Variants in SOX1 observed in about 807,000 individuals in gnomAD.
SOX1 encodes the protein SRY-box transcription factor 1, also known as transcription factor SOX-1.
Under a neutral mutation model 0.9 loss-of-function variants are expected in SOX1, and 1 was observed. The ratio of observed to expected loss-of-function variants is 1.07; its 90% CI spans 0.38 to 5.06. The LOEUF (loss-of-function observed/expected upper bound fraction) is 5.06, where lower values mean the gene tolerates loss of function less well. SOX1 is among the 30% of genes most tolerant of loss of function. SOX1 has a pLI of 0.16. For synonymous variants in SOX1, 397 were observed against 265.5 expected, an observed-to-expected ratio of 1.50 and a Z score of -4.81; for missense variants, 564 against 534.4, an observed-to-expected ratio of 1.06 and a Z score of -0.55.
In SOX1 at chr13:112,071,196, T is replaced by A. The variant is rs536006300; in HGVS notation, c.*2362T>A. 6.6e-6 allele frequency among the ~76,000 whole-genome samples: 1 copy of A among 152,354 alleles called. No individual in the cohort carries two copies. The highest frequency in any genetic ancestry group is 2.4e-5 in the African/African-American group (1 of 41,584). ...CTGTGTGTACCCTGGAGTTTCTGTG[T>A]CCAATTGTTGGCATCTAGGTCTTGG... On this transcript the variant is annotated 3_prime_UTR_variant, in exon 1 of 1. Transcript: ENST00000330949.
Position 112,067,735 on chromosome 13 carries a change from C to G in SOX1, c.77C>G (p.Ala26Gly). The G allele has an allele frequency of 8.1e-7, 1 of 1,232,868 alleles. No homozygotes were observed. Among genetic ancestry groups the G allele is most frequent in the East Asian group, 3.4e-5 (1 of 29,546 alleles). The allele number at this position is 1,232,868 out of a possible 1,614,324, so 76.4% of individuals were successfully genotyped here. ...GCCCCCACGAACCTCTCGGGCCCCG[C>G]CGGGGCGGGCGGCGGCGGGGGCGGA... ...AQAPTNLSGPAGAGGGGGGGG... is the reference protein window; with the variant it reads ...AQAPTNLSGPGGAGGGGGGGG... The change falls in exon 1 of 1, where the codon GCC (alanine) becomes GGC (glycine). Residue 26 changes from alanine to glycine, a missense_variant. Physicochemically the swap from Ala to Gly is moderately conservative, Grantham distance 60. Coordinates refer to ENST00000330949, the MANE Select transcript of SOX1 (RefSeq NM_005986.3). The surrounding 1 kb of genome is among the most constrained non-coding windows in gnomAD (Gnocchi z 5.1).
chr13:112,068,341 C>G lies in SOX1; in HGVS notation c.683C>G (p.Pro228Arg). Residue 228 changes from proline (P) to arginine (R), a missense_variant, in exon 1 of 1, where the codon CCC becomes CGC. By Grantham distance (103) the Pro-to-Arg change is moderately radical (BLOSUM62 -2). Transcript: ENST00000330949. The surrounding 1 kb of genome is among the most constrained non-coding windows in gnomAD (Gnocchi z 6.9). ...GAGGAHPHAH[P>R]AHPHPHHPHA... The stretch of plus-strand genomic sequence containing the variant: ...GGCGGCGCGCACCCGCACGCGCACC[C>G]CGCGCACCCGCACCCGCACCACCCG... 8.2e-7 allele frequency: 1 copy of G among 1,217,178 alleles called. No individual in the cohort carries two copies. Among genetic ancestry groups the G allele is most frequent in the Non-Finnish European group, 1.0e-6 (1 of 959,070 alleles). The allele number at this position is 1,217,178 out of a possible 1,614,324, so 75.4% of individuals were successfully genotyped here. A position where few individuals can be genotyped will look rare whatever the true frequency, so the allele number is the denominator to read the frequency against.
rs1277226160 is a variant in SOX1 at position 112,071,132 on chromosome 13, TTGAC to T, written c.*2303_*2306del. ...CTTAAAGGACTCTCTCTGAGGTTCT[TTGAC>T]TGACGTCCACTCTCAGTCTGGCCCC... On this transcript the variant is annotated 3_prime_UTR_variant, in exon 1 of 1. Coordinates refer to ENST00000330949, the MANE Select transcript of SOX1 (RefSeq NM_005986.3). Among the ~76,000 whole-genome samples the T allele has an allele frequency of 7.9e-5, 12 of 152,360 alleles. No individual in the cohort carries two copies. Among genetic ancestry groups the T allele is most frequent in the South Asian group, 6.2e-4 (3 of 4,830 alleles).
In SOX1 at chr13:112,069,000, C is replaced by A; in HGVS notation, c.*166C>A. On this transcript the variant is annotated 3_prime_UTR_variant, in exon 1 of 1. Transcript: ENST00000330949. The surrounding 1 kb of genome is among the most constrained non-coding windows in gnomAD (Gnocchi z 6.9). ...CGCCGGGTGACGCGTGTCCCCCACT[C>A]ACCTTCCCCGGAGACCCTGGCGACC... 2.2e-6 allele frequency: 1 copy of A among 457,654 alleles called. No homozygotes were observed. Among genetic ancestry groups the A allele is most frequent in the Non-Finnish European group, 3.4e-6 (1 of 294,050 alleles). 28.3% of individuals were successfully genotyped at this position (457,654 alleles called of 1,614,324 possible).
Position 112,068,798 on chromosome 13 carries a change from GGGCGTGAAC to G in SOX1, c.1144_1152del (p.Val382_Gly384del). ...CGCAGCACTACCAGGGCGCGGGCGC[GGGCGTGAAC>G]GGCACGGTGCCCCTGACGCACATCT... On this transcript the variant is annotated inframe_deletion, in exon 1 of 1. Coordinates refer to ENST00000330949, the MANE Select transcript of SOX1 (RefSeq NM_005986.3). This position sits in a 1 kb window ranked among gnomAD's most constrained non-coding sequence, Gnocchi z 6.9. 8 of 1,200,882 alleles carry G rather than the reference GGGCGTGAAC, an allele frequency of 6.7e-6. No homozygotes were observed. The highest frequency in any genetic ancestry group is 7.2e-6 in the Non-Finnish European group (7 of 971,142). The allele number at this position is 1,200,882 out of a possible 1,614,324, so 74.4% of individuals were successfully genotyped here. A position where few individuals can be genotyped will look rare whatever the true frequency, so the allele number is the denominator to read the frequency against.
chr13:112,067,838 G>C lies in SOX1; in HGVS notation c.180G>C (p.Val60=). The change falls in exon 1 of 1, where the codon GTG becomes GTC. Residue 60 remains valine (V), a synonymous_variant. Transcript: ENST00000330949. The surrounding 1 kb of genome is among the most constrained non-coding windows in gnomAD (Gnocchi z 5.1). The part of the protein sequence containing the change: ...RVKRPMNAFM[V]WSRGQRRKMA... Reference sequence around the variant, plus strand: ...AACGGCCCATGAACGCCTTCATGGTGTGGTCCCGCGGGCAGCGGCGCAAGA... The same window carrying C: ...AACGGCCCATGAACGCCTTCATGGTCTGGTCCCGCGGGCAGCGGCGCAAGA... 6.2e-7 allele frequency: 1 copy of C among 1,600,490 alleles called. No homozygotes were observed. Among genetic ancestry groups the C allele is most frequent in the Non-Finnish European group, 8.5e-7 (1 of 1,173,474 alleles).
rs1424331156 is a variant in SOX1, at chr13:112,069,468, T to C, written c.*634T>C. The C allele has an allele frequency of 3.0e-5, 5 of 167,172 alleles. No individual in the cohort carries two copies. In the East Asian group the frequency reaches 9.6e-4, roughly 32 times the overall value. The allele number at this position is 167,172 out of a possible 1,614,324, so 10.4% of individuals were successfully genotyped here. ...CCATTTTTTTTTTTGGGTTTTGTAT[T>C]ATTTCTTGTAAATGCATTGTGAAAA... On this transcript the variant is annotated 3_prime_UTR_variant, in exon 1 of 1. Coordinates refer to ENST00000330949, the MANE Select transcript of SOX1 (RefSeq NM_005986.3).
In SOX1 at chr13:112,070,529, G is replaced by C. The variant is rs1880861518; in HGVS notation, c.*1695G>C. ...ATTTAAAAATTAATCACAACGTTAA[G>C]ATGAAATTATATTTTTGGAAAAAAA... On this transcript the variant is annotated 3_prime_UTR_variant, in exon 1 of 1. Transcript: ENST00000330949. 6.0e-6 allele frequency: 1 copy of C among 166,318 alleles called. No individual in the cohort carries two copies. The highest frequency in any genetic ancestry group is 1.5e-5 in the Non-Finnish European group (1 of 68,024). The allele number at this position is 166,318 out of a possible 1,614,324, so 10.3% of individuals were successfully genotyped here. A position where few individuals can be genotyped will look rare whatever the true frequency, so the allele number is the denominator to read the frequency against.
Position 112,068,241 on chromosome 13 carries a change from T to G in SOX1, c.583T>G (p.Ser195Ala). The G allele has an allele frequency of 1.4e-6, 1 of 717,196 alleles. No homozygotes were observed. Among genetic ancestry groups the G allele is most frequent in the Non-Finnish European group, 1.7e-6 (1 of 583,202 alleles). 44.4% of individuals were successfully genotyped at this position (717,196 alleles called of 1,614,324 possible). ...NGWANGAYPGSVAAAAAAAAM... is the reference protein window; with the variant it reads ...NGWANGAYPGAVAAAAAAAAM... ...CTGGGCCAACGGCGCCTACCCCGGC[T>G]CGGTGGCGGCGGCGGCGGCGGCCGC... is the stretch of plus-strand genomic sequence containing the variant. Residue 195 changes from serine (S) to alanine (A), a missense_variant, in exon 1 of 1, where the codon TCG becomes GCG. Coordinates refer to ENST00000330949, the MANE Select transcript of SOX1 (RefSeq NM_005986.3). The surrounding 1 kb of genome is among the most constrained non-coding windows in gnomAD (Gnocchi z 6.9).
chr13:112,068,912 C>T lies in SOX1; in HGVS notation c.*78C>T. Reference sequence around the variant, plus strand: ...GCGCCCGGCTCCCGCCCCGCCCCGGCGCGGCGTGGCTTTTGTACAGACGTT... The same window carrying T: ...GCGCCCGGCTCCCGCCCCGCCCCGGTGCGGCGTGGCTTTTGTACAGACGTT... On this transcript the variant is annotated 3_prime_UTR_variant, in exon 1 of 1. Coordinates refer to ENST00000330949, the MANE Select transcript of SOX1 (RefSeq NM_005986.3). The surrounding 1 kb of genome is among the most constrained non-coding windows in gnomAD (Gnocchi z 6.9). The T allele has an allele frequency of 3.6e-6, 4 of 1,109,154 alleles. No individual in the cohort carries two copies. The highest frequency in any genetic ancestry group is 4.5e-6 in the Non-Finnish European group (4 of 884,108). The allele number at this position is 1,109,154 out of a possible 1,614,324, so 68.7% of individuals were successfully genotyped here.
Position 112,067,601 on chromosome 13 carries a change from G to T in SOX1, c.-58G>T. 3.3e-6 allele frequency: 3 copies of T among 903,366 alleles called. No homozygotes were observed. Among genetic ancestry groups the T allele is most frequent in the Non-Finnish European group, 2.8e-6 (2 of 716,440 alleles). 56.0% of individuals were successfully genotyped at this position (903,366 alleles called of 1,614,324 possible). A position where few individuals can be genotyped will look rare whatever the true frequency, so the allele number is the denominator to read the frequency against. ...TTCCTCTCCGTCTCCCTCCCACCCC[G>T]GCCGTCTATGCTCCAGGCCCTCTCC... On this transcript the variant is annotated 5_prime_UTR_variant, in exon 1 of 1. Coordinates refer to ENST00000330949, the MANE Select transcript of SOX1 (RefSeq NM_005986.3). The surrounding 1 kb of genome is among the most constrained non-coding windows in gnomAD (Gnocchi z 5.1).
chr13:112,068,345 G>T lies in SOX1; in HGVS notation c.687G>T (p.Ala229=). Residue 229 remains alanine (A), a synonymous_variant, in exon 1 of 1, where the codon GCG becomes GCT. Coordinates refer to ENST00000330949, the MANE Select transcript of SOX1 (RefSeq NM_005986.3). The surrounding 1 kb of genome is among the most constrained non-coding windows in gnomAD (Gnocchi z 6.9). ...GCGCGCACCCGCACGCGCACCCCGC[G>T]CACCCGCACCCGCACCACCCGCACG... is the stretch of plus-strand genomic sequence containing the variant. The part of the protein sequence containing the change: ...AGGAHPHAHP[A]HPHPHHPHAH... 1.6e-6 allele frequency: 2 copies of T among 1,219,334 alleles called. No homozygotes were observed. The highest frequency in any genetic ancestry group is 1.7e-5 in the South Asian group (1 of 60,378). The allele number at this position is 1,219,334 out of a possible 1,614,324, so 75.5% of individuals were successfully genotyped here.
In SOX1 at chr13:112,067,222, C is replaced by A. The variant is rs1489881000; in HGVS notation, c.-437C>A. Among the ~76,000 whole-genome samples, 1 of 152,148 alleles carries A rather than the reference C, an allele frequency of 6.6e-6. No individual in the cohort carries two copies. Among genetic ancestry groups the A allele is most frequent in the South Asian group, 2.1e-4 (1 of 4,828 alleles). On this transcript the variant is annotated 5_prime_UTR_variant, in exon 1 of 1. Coordinates refer to ENST00000330949, the MANE Select transcript of SOX1 (RefSeq NM_005986.3). The surrounding 1 kb of genome is among the most constrained non-coding windows in gnomAD (Gnocchi z 5.1). ...CTCCGAGTTGGAGGCCGCTGAGGAC[C>A]GAGCGCAGGAGGAAGGAGACAGCGC...
chr13:112,067,766 GGGCGGC>G lies in SOX1; in HGVS notation c.120_125del (p.Gly42_Gly43del), dbSNP rs750745411. On this transcript the variant is annotated inframe_deletion, in exon 1 of 1. Coordinates refer to ENST00000330949, the MANE Select transcript of SOX1 (RefSeq NM_005986.3). This position sits in a 1 kb window ranked among gnomAD's most constrained non-coding sequence, Gnocchi z 5.1. ...CGGGCGGCGGCGGGGGCGGAGGCGG[GGGCGGC>G]GGCGGCGGCGGGGGCGCCAAGGCCA... is the stretch of plus-strand genomic sequence containing the variant. 2.8e-4 allele frequency: 361 copies of G among 1,273,726 alleles called. No individual in the cohort carries two copies. Among genetic ancestry groups the G allele is most frequent in the East Asian group, 1.3e-3 (40 of 30,266 alleles). The allele number at this position is 1,273,726 out of a possible 1,614,324, so 78.9% of individuals were successfully genotyped here.
At position 112,068,209 on chromosome 13, in the gene SOX1, T is replaced by A; in HGVS notation, c.551T>A (p.Val184Asp). Residue 184 changes from valine (V) to aspartate (D), a missense_variant, in exon 1 of 1, where the codon GTC becomes GAC. Physicochemically the swap from Val to Asp is radical, Grantham distance 152. Transcript: ENST00000330949. This position sits in a 1 kb window ranked among gnomAD's most constrained non-coding sequence, Gnocchi z 6.9. ...GGAAGGGYAH[V>D]NGWANGAYPG... Reference sequence around the variant, plus strand: ...GCGGCGGGCGGCGGCTACGCGCACGTCAACGGCTGGGCCAACGGCGCCTAC... The same window carrying A: ...GCGGCGGGCGGCGGCTACGCGCACGACAACGGCTGGGCCAACGGCGCCTAC... 1 of 766,274 alleles carries A rather than the reference T, an allele frequency of 1.3e-6. No individual in the cohort carries two copies. The highest frequency in any genetic ancestry group is 1.6e-6 in the Non-Finnish European group (1 of 629,382). 47.5% of individuals were successfully genotyped at this position (766,274 alleles called of 1,614,324 possible).
Position 112,068,875 on chromosome 13 carries a change from A to AGCTCGCGGCCCGCGCCCG in SOX1, c.*46_*63dup. On this transcript the variant is annotated 3_prime_UTR_variant, in exon 1 of 1. Transcript: ENST00000330949. This position sits in a 1 kb window ranked among gnomAD's most constrained non-coding sequence, Gnocchi z 6.9. The stretch of plus-strand genomic sequence containing the variant: ...GGGGACTCTGCGGCGGCGACCCACG[A>AGCTCGCGGCCCGCGCCCG]GCTCGCGGCCCGCGCCCGGCTCCCG... The AGCTCGCGGCCCGCGCCCG allele has an allele frequency of 2.5e-6, 3 of 1,194,244 alleles. No individual in the cohort carries two copies. The highest frequency in any genetic ancestry group is 1.0e-6 in the Non-Finnish European group (1 of 954,492). The allele number at this position is 1,194,244 out of a possible 1,614,324, so 74.0% of individuals were successfully genotyped here.
chr13:112,068,735 A>T lies in SOX1; in HGVS notation c.1077A>T (p.Ala359=). 16 of 1,187,154 alleles carry T rather than the reference A, an allele frequency of 1.3e-5. No individual in the cohort carries two copies. In the Middle Eastern group the frequency reaches 9.9e-4, roughly 74 times the overall value. 73.5% of individuals were successfully genotyped at this position (1,187,154 alleles called of 1,614,324 possible). ...PAGEGGDPAA[A]AAAAAQSRLH... is the part of the protein sequence containing the mutation. The stretch of plus-strand genomic sequence containing the variant: ...GCGAGGGGGGCGACCCGGCGGCGGC[A>T]GCAGCGGCCGCGGCGCAGAGCCGGC... The change falls in exon 1 of 1, where the codon GCA becomes GCT. Residue 359 remains alanine, a synonymous_variant. Transcript: ENST00000330949. This position sits in a 1 kb window ranked among gnomAD's most constrained non-coding sequence, Gnocchi z 6.9.
In SOX1 at chr13:112,069,348, G is replaced by A. The variant is rs1456004094; in HGVS notation, c.*514G>A. 6.0e-6 allele frequency: 1 copy of A among 167,016 alleles called. No individual in the cohort carries two copies. Among genetic ancestry groups the A allele is most frequent in the African/African-American group, 2.4e-5 (1 of 41,426 alleles). The allele number at this position is 167,016 out of a possible 1,614,324, so 10.3% of individuals were successfully genotyped here. A position where few individuals can be genotyped will look rare whatever the true frequency, so the allele number is the denominator to read the frequency against. On this transcript the variant is annotated 3_prime_UTR_variant, in exon 1 of 1. Transcript: ENST00000330949. ...TGTTACCGCTCTTTTGGGTTGGTTT[G>A]TTAATTTATACAAAGAGATTACCAC...
At position 112,068,248 on chromosome 13, in the gene SOX1, C is replaced by T. The variant is rs1465709458; in HGVS notation, c.590C>T (p.Ala197Val). ...AACGGCGCCTACCCCGGCTCGGTGG[C>T]GGCGGCGGCGGCGGCCGCGGCCATG... ...WANGAYPGSV[A>V]AAAAAAAMMQ... The change falls in exon 1 of 1, where the codon GCG becomes GTG. Residue 197 changes from alanine to valine, a missense_variant. By Grantham distance (64) the Ala-to-Val change is moderately conservative. Transcript: ENST00000330949. This position sits in a 1 kb window ranked among gnomAD's most constrained non-coding sequence, Gnocchi z 6.9. The T allele has an allele frequency of 1.4e-5, 9 of 651,462 alleles. No individual in the cohort carries two copies. Among genetic ancestry groups the T allele is most frequent in the Admixed American group, 6.2e-5 (1 of 16,194 alleles). 40.4% of individuals were successfully genotyped at this position (651,462 alleles called of 1,614,324 possible). A position where few individuals can be genotyped will look rare whatever the true frequency, so the allele number is the denominator to read the frequency against.
Sources: allele counts gnomAD v4.1 joint callset (sites outside exome capture counted in the v4.1 genomes callset), GRCh38; gene constraint gnomAD v4.1.1; non-coding constraint Gnocchi (gnomAD v3.1); transcripts MANE v1.5; gene names NCBI Gene and HGNC (gene_info 2026-07-23, HGNC 2026-07-21).